Variants in MED23 observed in about 807,000 individuals in gnomAD.
MED23 encodes mediator complex subunit 23, also known as mediator of RNA polymerase II transcription subunit 23.
In MED23, 105 loss-of-function variants were observed where a neutral mutation model predicts 163.9. That is an observed-to-expected ratio of 0.64 (90% confidence interval 0.55 to 0.75). The LOEUF (loss-of-function observed/expected upper bound fraction) is 0.75. Among genes scored for constraint, MED23 ranks in the 30% least tolerant of loss-of-function variants. The pLI, the probability that MED23 is intolerant of heterozygous loss-of-function variation, is 0.00. For missense variants in MED23, 1,054 were observed against 1,649.0 expected, an observed-to-expected ratio of 0.64 and a Z score of 6.25; for synonymous variants, 561 against 565.6, an observed-to-expected ratio of 0.99 and a Z score of 0.12.
chr6:131,592,544 T>C, intron 24 of MED23, 84 bp from the exon 25 acceptor site: 4 of 1,194,904 alleles, frequency 3.3e-6, no homozygotes, highest in South Asian at 2.5e-5. Flanking sequence ...TTAAAGAATA[T>C]GTCTAATTCA....
In MED23 at chr6:131,598,748, T is replaced by C. The variant is rs1176851972; in HGVS notation, c.2234A>G (p.Gln745Arg). ...FPGPLQAFFK[Q>R]NNVPQESRFN... ...ACGGCTTTCCTGAGGCACATTATTT[T>C]GTTTGAAGAATGCCTAAAAAGAGGA... The change falls in exon 19 of 29, where the codon CAA becomes CGA. Residue 745 changes from glutamine to arginine, a missense_variant. Gln to Arg is a conservative substitution (Grantham distance 43). This residue lies in a region of MED23 where 228 missense variants were observed against 461.3 expected (regional missense o/e 0.49). Coordinates refer to ENST00000368068, the MANE Select transcript of MED23 (RefSeq NM_004830.4). This position sits in a 1 kb window ranked among gnomAD's most constrained non-coding sequence, Gnocchi z 4.7. The C allele has an allele frequency of 1.9e-6, 3 of 1,613,938 alleles. No individual in the cohort carries two copies. In the Admixed American group the frequency reaches 5.0e-5, roughly 27 times the overall value.
intron 8 of MED23, among the ~76,000 whole-genome samples, chr6:131,619,408 C>A (rs1441097966): frequency 6.6e-6 from 1 of 151,770 alleles, no homozygotes; most frequent in Non-Finnish European, 1.5e-5. Context: ...GAGACTCTAA[C>A]AAAACATGGG....
At chr6:131,626,115 C>CT (rs1177090175) in intron 3 of MED23, among the ~76,000 whole-genome samples, 2 of 127,186 alleles carry the variant, frequency 1.6e-5, no homozygotes, top group Admixed American at 1.6e-4. Flanking sequence ...GAGTGAGACT[C>CT]TGTCTCCAAA....
rs1183886186 is a variant in MED23, at chr6:131,596,472, G to A, written c.2778+46C>T. ...CCAAATCACTTCATCAAATACTCAAGTATGGCTTTAAAAGGACTATTTGAA... is the reference window on the plus strand; with the variant it reads ...CCAAATCACTTCATCAAATACTCAAATATGGCTTTAAAAGGACTATTTGAA... On this transcript the variant is annotated intron_variant, in intron 21 of 28. Coordinates refer to ENST00000368068, the MANE Select transcript of MED23 (RefSeq NM_004830.4). 5.0e-6 allele frequency: 8 copies of A among 1,596,422 alleles called. No homozygotes were observed. The African/African-American group carries it at 5.4e-5, about 11-fold the overall frequency.
chr6:131,575,207 A>G (rs1773555978), intron 30 of MED23, among the ~76,000 whole-genome samples: 1 of 152,208 alleles, frequency 6.6e-6, no homozygotes, highest in Non-Finnish European at 1.5e-5. Context: ...GTTCTAAAAT[A>G]TGAAAGGGAG....
At position 131,625,488 on chromosome 6, in the gene MED23, C is replaced by T. The variant is rs1052492169; in HGVS notation, c.160-499G>A. ...TTCTAGACTGGCAAAACTTTAAATA[C>T]GATGTCAAAATGTTGTGCCCGTATC... On this transcript the variant is annotated intron_variant, in intron 3 of 28. Coordinates refer to ENST00000368068, the MANE Select transcript of MED23 (RefSeq NM_004830.4). Among the ~76,000 whole-genome samples the T allele has an allele frequency of 3.9e-5, 6 of 152,082 alleles. No individual in the cohort carries two copies. In the South Asian group the frequency reaches 1.0e-3, roughly 26 times the overall value.
chr6:131,615,767 T>G, intron 10 of MED23, 140 bp downstream of exon 10: 1 of 696,172 alleles, frequency 1.4e-6, no homozygotes, highest in Non-Finnish European at 2.6e-6. Flanking sequence ...AATAATACAT[T>G]GTTTAAAAAA....
At chr6:131,617,381 C>G (rs1211995624) in intron 9 of MED23, among the ~76,000 whole-genome samples, 1 of 150,122 alleles carries the variant, frequency 6.7e-6, no homozygotes, top group Non-Finnish European at 1.5e-5. Flanking sequence ...ACTTCATATA[C>G]CGATTTTTAA....
At chr6:131,609,714 C>CTA (rs1468011450) in intron 11 of MED23, among the ~76,000 whole-genome samples, 59 of 144,782 alleles carry the variant, frequency 4.1e-4, no homozygotes, top group South Asian at 2.8e-3. Context: ...TATATGTACT[C>CTA]TATATATATA....
At chr6:131,583,308 G>A, downstream of MED23, 2 of 1,613,108 alleles carry the variant, frequency 1.2e-6, no homozygotes, top group African/African-American at 1.3e-5. Flanking sequence ...TCTATGAAAT[G>A]TGAAGCCATC....
intron 11 of MED23, among the ~76,000 whole-genome samples, chr6:131,609,667 CATGTT>C (rs1432659744): frequency 1.4e-5 from 2 of 147,302 alleles, no homozygotes; most frequent in African/African-American, 5.0e-5. Flanking sequence ...AAGATATAAT[CATGTT>C]GTGTGTGTGT....
At chr6:131,617,087 ATTAATTTATAT>A (rs1776748305) in intron 9 of MED23, among the ~76,000 whole-genome samples, 1 of 149,636 alleles carries the variant, frequency 6.7e-6, no homozygotes, top group Non-Finnish European at 1.5e-5. Flanking sequence ...ATTTAAAAAT[ATTAATTTATAT>A]TTAATTTATA....
At chr6:131,600,907 C>T (rs748613755) in intron 17 of MED23, among the ~76,000 whole-genome samples, 3 of 152,146 alleles carry the variant, frequency 2.0e-5, no homozygotes, top group Non-Finnish European at 2.9e-5. Context: ...GTGTCAATCT[C>T]GACACCTATT....
intron 30 of MED23, among the ~76,000 whole-genome samples, chr6:131,581,563 A>AACTG (rs574175367): frequency 2.6e-5 from 4 of 152,318 alleles, no homozygotes; most frequent in Non-Finnish European, 5.9e-5. Context: ...CTGCCTTGCA[A>AACTG]ACTGACTTAA....
At chr6:131,607,356 C>A (rs1431541345) in intron 12 of MED23, among the ~76,000 whole-genome samples, 8 of 151,868 alleles carry the variant, frequency 5.3e-5, no homozygotes, top group Non-Finnish European at 7.4e-5. Context: ...ACCAGCCTGG[C>A]CAACACGGCG....
At chr6:131,582,702 G>A (rs1033631011), downstream of MED23, 13 of 1,613,584 alleles carry the variant, frequency 8.1e-6, no homozygotes, top group Admixed American at 2.0e-4. Context: ...GAGAGACGTG[G>A]ACCCTGGGGA....
At chr6:131,604,371 C>T in intron 14 of MED23, 51 bp from the exon 15 acceptor site, 1 of 1,565,756 alleles carries the variant, frequency 6.4e-7, no homozygotes, top group Non-Finnish European at 8.8e-7. Context: ...TTGACATAAA[C>T]ATAGGGGCTA....
intron 24 of MED23, 31 bp downstream of exon 24, chr6:131,592,975 C>A: frequency 6.2e-7 from 1 of 1,613,158 alleles, no homozygotes; most frequent in Non-Finnish European, 8.5e-7. Context: ...AAATAAACAA[C>A]AAATCTTACT....
rs749705615 is a variant in MED23 at position 131,588,135 on chromosome 6, T to C, written c.3940-289A>G. 3.7e-4 allele frequency among the ~76,000 whole-genome samples: 57 copies of C among 152,204 alleles called. 3 individuals carry two copies. Among genetic ancestry groups the C allele is most frequent in the Admixed American group, 2.0e-4 (3 of 15,278 alleles). On this transcript the variant is annotated intron_variant, in intron 28 of 28. Transcript: ENST00000368068. ...ATATGCATATACTTACAAAGGCGTA[T>C]CCACTCATCTAGCTAGCCAGTCATC...
Sources: gnomAD v4.1 joint callset for allele counts (sites outside exome capture counted in the v4.1 genomes callset) on GRCh38, gnomAD v4.1.1 for gene constraint, gnomAD v4.1.1 regional missense constraint, Gnocchi (gnomAD v3.1) non-coding constraint, MANE v1.5 for transcripts, NCBI Gene and HGNC (gene_info 2026-07-23, HGNC 2026-07-21) for gene names.